JOSD1: variants seen among roughly 807,000 people sequenced by gnomAD.
The protein encoded by JOSD1 is Josephin domain containing 1.
In JOSD1, 11 loss-of-function variants were observed where a neutral mutation model predicts 24.3. The observed-to-expected ratio is 0.45, with a 90% CI of 0.29 to 0.75. The LOEUF is 0.75. Among genes scored for constraint, JOSD1 ranks in the 30% least tolerant of loss-of-function variants. JOSD1 has a pLI of 0.11. For synonymous variants in JOSD1, 106 were observed against 93.8 expected (o/e 1.13, Z -0.75); for missense variants, 184 against 253.5 (o/e 0.73, Z 1.86).
rs920171497 is a variant in JOSD1 at position 38,686,438 on chromosome 22, G to C, written c.*1464C>G. 2 of 152,236 alleles carry C rather than the reference G, an allele frequency of 1.3e-5. No individual in the cohort carries two copies. Among genetic ancestry groups the C allele is most frequent in the African/African-American group, 4.8e-5 (2 of 41,442 alleles). 9.4% of individuals were successfully genotyped at this position (152,236 alleles called of 1,614,324 possible). A position where few individuals can be genotyped will look rare whatever the true frequency, so the allele number is the denominator to read the frequency against. On this transcript the variant is annotated 3_prime_UTR_variant, in exon 5 of 5. Transcript: ENST00000683374. ...CGACCATTGATCTGAGGGCCAGCAGGTCACCCCTGCCTGCCACCTGCCTTG... is the reference window on the plus strand; with the variant it reads ...CGACCATTGATCTGAGGGCCAGCAGCTCACCCCTGCCTGCCACCTGCCTTG...
chr22:38,694,883 A>G (rs2092538293), intron 2 of JOSD1, among the ~76,000 whole-genome samples: 1 of 151,514 alleles, frequency 6.6e-6, no homozygotes. Flanking sequence ...AAAAAAAAAA[A>G]AAGTGAAAAG....
chr22:38,697,974 C>T (rs796778810), intron 2 of JOSD1, among the ~76,000 whole-genome samples: 14 of 152,324 alleles, frequency 9.2e-5, no homozygotes, highest in Middle Eastern at 3.4e-3. Flanking sequence ...CTGGGCAAAT[C>T]GCCTAAAATG....
intron 2 of JOSD1, among the ~76,000 whole-genome samples, chr22:38,693,980 T>C (rs573196555): frequency 1.3e-5 from 2 of 152,390 alleles, no homozygotes; most frequent in South Asian, 2.1e-4. Flanking sequence ...AGTTATTTCA[T>C]ATATGTTCAA....
intron 2 of JOSD1, among the ~76,000 whole-genome samples, chr22:38,691,430 T>A (rs575957848): frequency 6.6e-6 from 1 of 152,090 alleles, no homozygotes; most frequent in East Asian, 1.9e-4. Flanking sequence ...CTTAAAACCT[T>A]CTGATGGCAC....
chr22:38,685,655 A>G lies in JOSD1; in HGVS notation c.*2247T>C, dbSNP rs1465046749. On this transcript the variant is annotated 3_prime_UTR_variant, in exon 5 of 5. Transcript: ENST00000683374. The stretch of plus-strand genomic sequence containing the variant: ...CCATTTTTAATATTTGGTTAAACAA[A>G]ATACATCTTTTGTAAACAAACGCAG... 2 of 152,664 alleles carry G rather than the reference A, an allele frequency of 1.3e-5. No homozygotes were observed. The highest frequency in any genetic ancestry group is 2.9e-5 in the Non-Finnish European group (2 of 68,050). The allele number at this position is 152,664 out of a possible 1,614,324, so 9.5% of individuals were successfully genotyped here.
chr22:38,696,164 T>C (rs1185161262), intron 2 of JOSD1, among the ~76,000 whole-genome samples: 1 of 152,154 alleles, frequency 6.6e-6, no homozygotes, highest in Non-Finnish European at 1.5e-5. Flanking sequence ...GGCCTGAGCA[T>C]TTTCAAAACC....
At chr22:38,690,247 A>C (rs2092516024) in intron 2 of JOSD1, among the ~76,000 whole-genome samples, 1 of 152,134 alleles carries the variant, frequency 6.6e-6, no homozygotes, top group African/African-American at 2.4e-5. Context: ...AAGTGTGGCG[A>C]GTTCCTCAGG....
At chr22:38,689,974 T>TA (rs1190460873) in intron 2 of JOSD1, among the ~76,000 whole-genome samples, 1 of 149,650 alleles carries the variant, frequency 6.7e-6, no homozygotes, top group African/African-American at 2.5e-5. Flanking sequence ...TTTCTTAAAA[T>TA]ACCCAATAAA....
Position 38,700,185 on chromosome 22 carries a change from T to A in JOSD1, c.-198A>T, listed in dbSNP as rs759995007. On this transcript the variant is annotated 5_prime_UTR_variant, in exon 2 of 5. Coordinates refer to ENST00000683374, the MANE Select transcript of JOSD1 (RefSeq NM_001360236.2). ...AAACCCACCTCTTCTCTCTTCTCAA[T>A]AGAAAAATAACTTTTGGATTACTTT... 319 of 1,269,772 alleles carry A rather than the reference T, an allele frequency of 2.5e-4. No homozygotes were observed. Among genetic ancestry groups the A allele is most frequent in the South Asian group, 9.6e-4 (35 of 36,358 alleles). 78.7% of individuals were successfully genotyped at this position (1,269,772 alleles called of 1,614,324 possible).
In JOSD1 at chr22:38,699,823, C is replaced by T. The variant is rs1603147704; in HGVS notation, c.165G>A (p.Thr55=). The T allele has an allele frequency of 1.2e-6, 2 of 1,614,016 alleles. No homozygotes were observed. Among genetic ancestry groups the T allele is most frequent in the African/African-American group, 1.3e-5 (1 of 74,918 alleles). The change falls in exon 2 of 5, where the codon ACG becomes ACA. Residue 55 remains threonine, a synonymous_variant. Coordinates refer to ENST00000683374, the MANE Select transcript of JOSD1 (RefSeq NM_001360236.2). ...CCTACCTCTGGAAAATCTCTTGCAGCGTATCCCGGGTGAAGGCATTGCTGT... is the reference window on the plus strand; with the variant it reads ...CCTACCTCTGGAAAATCTCTTGCAGTGTATCCCGGGTGAAGGCATTGCTGT... ...FQDSNAFTRD[T]LQEIFQRLSP... is the part of the protein sequence containing the mutation.
chr22:38,692,781 C>CAAAAAAAA (rs61214432), intron 2 of JOSD1, among the ~76,000 whole-genome samples: 3 of 45,022 alleles, frequency 6.7e-5, no homozygotes, highest in South Asian at 7.3e-4. Flanking sequence ...AACTCTGTCT[C>CAAAAAAAA]AAAAAAAAAA....
intron 2 of JOSD1, among the ~76,000 whole-genome samples, chr22:38,694,109 T>C (rs138115907): frequency 1.4e-3 from 220 of 152,328 alleles, no homozygotes; most frequent in African/African-American, 5.1e-3. Context: ...TTCCATCTCA[T>C]GCTAGAGGAA....
At chr22:38,696,124 A>C (rs1472517783) in intron 2 of JOSD1, among the ~76,000 whole-genome samples, 1 of 152,154 alleles carries the variant, frequency 6.6e-6, no homozygotes, top group Non-Finnish European at 1.5e-5. Context: ...ATCACTAAAA[A>C]ACTGGGATGA....
rs986751047 is a variant in JOSD1, at chr22:38,700,557, G to C, written c.-570C>G. 43 of 985,642 alleles carry C rather than the reference G, an allele frequency of 4.4e-5. No homozygotes were observed. In the African/African-American group the frequency reaches 6.8e-4, roughly 16 times the overall value. The allele number at this position is 985,642 out of a possible 1,614,324, so 61.1% of individuals were successfully genotyped here. A position where few individuals can be genotyped will look rare whatever the true frequency, so the allele number is the denominator to read the frequency against. ...GGCAGCCCTCCATCCCCTCGGGTAC[G>C]GTGGGGCCCGCAGGGCGCGGCTCCC... is the stretch of plus-strand genomic sequence containing the variant. On this transcript the variant is annotated 5_prime_UTR_variant, in exon 2 of 5. Coordinates refer to ENST00000683374, the MANE Select transcript of JOSD1 (RefSeq NM_001360236.2).
intron 2 of JOSD1, 21 bp from the exon 3 acceptor site, chr22:38,689,445 G>C: frequency 1.9e-6 from 3 of 1,613,652 alleles, no homozygotes; most frequent in East Asian, 2.2e-5. Flanking sequence ...GAAAAGAGGA[G>C]GGCTGAGACT....
chr22:38,689,040 A>C lies in JOSD1; in HGVS notation c.404T>G (p.Leu135Arg). Reference protein sequence around the residue: ...SLCWGPLKLPLKRQHWICVRE... With the variant: ...SLCWGPLKLPRKRQHWICVRE... The stretch of plus-strand genomic sequence containing the variant: ...AACACAGATCCAGTGCTGCCTTTTG[A>C]GGGGCAGTTTCAGTGGACCCCAGCA... Residue 135 changes from leucine (L) to arginine (R), a missense_variant, in exon 4 of 5, where the codon CTC (leucine) becomes CGC (arginine). Coordinates refer to ENST00000683374, the MANE Select transcript of JOSD1 (RefSeq NM_001360236.2). The C allele has an allele frequency of 6.2e-7, 1 of 1,614,142 alleles. No homozygotes were observed. Among genetic ancestry groups the C allele is most frequent in the Non-Finnish European group, 8.5e-7 (1 of 1,180,026 alleles).
chr22:38,690,946 G>A (rs2092519200), intron 2 of JOSD1, among the ~76,000 whole-genome samples: 1 of 152,146 alleles, frequency 6.6e-6, no homozygotes, highest in South Asian at 2.1e-4. Context: ...CTTGAACGTA[G>A]GAGGCAGAGG....
At position 38,700,542 on chromosome 22, in the gene JOSD1, C is replaced by A. The variant is rs549295095; in HGVS notation, c.-555G>T. On this transcript the variant is annotated 5_prime_UTR_variant, in exon 2 of 5. The change abolishes an upstream ATG in the 5' untranslated region. Transcript: ENST00000683374. ...CGCGGGGGCCTCGGGGGCAGCCCTCCATCCCCTCGGGTACGGTGGGGCCCG... is the reference window on the plus strand; with the variant it reads ...CGCGGGGGCCTCGGGGGCAGCCCTCAATCCCCTCGGGTACGGTGGGGCCCG... 5.1e-6 allele frequency: 5 copies of A among 985,960 alleles called. No individual in the cohort carries two copies. Among genetic ancestry groups the A allele is most frequent in the Non-Finnish European group, 6.0e-6 (5 of 830,370 alleles). 61.1% of individuals were successfully genotyped at this position (985,960 alleles called of 1,614,324 possible).
intron 2 of JOSD1, among the ~76,000 whole-genome samples, chr22:38,698,938 G>C (rs569997257): frequency 1.3e-5 from 2 of 152,186 alleles, no homozygotes; most frequent in South Asian, 4.2e-4. Context: ...TGTATTTTTA[G>C]TAGACACGGG....
Sources: gnomAD v4.1 joint callset for allele counts (sites outside exome capture counted in the v4.1 genomes callset) on GRCh38, gnomAD v4.1.1 for gene constraint, MANE v1.5 for transcripts, NCBI Gene and HGNC (gene_info 2026-07-23, HGNC 2026-07-21) for gene names.